TASP1: variants seen among roughly 807,000 people sequenced by gnomAD.
The protein encoded by TASP1 is threonine aspartase 1.
A neutral mutation model predicts 56.6 loss-of-function variants in TASP1; 16 were observed. The observed-to-expected ratio is 0.28, with a 90% CI of 0.19 to 0.43. The LOEUF (loss-of-function observed/expected upper bound fraction) is 0.43, where lower values mean the gene tolerates loss of function less well. Among genes scored for constraint, TASP1 ranks in the 20% least tolerant of loss-of-function variants. The pLI, the probability that TASP1 is intolerant of heterozygous loss-of-function variation, is 1.00. For missense variants in TASP1, 393 were observed against 511.6 expected, an observed-to-expected ratio of 0.77 and a Z score of 2.24; for synonymous variants, 179 against 184.2, an observed-to-expected ratio of 0.97 and a Z score of 0.23.
the TASP1 span, among the ~76,000 whole-genome samples, chr20:13,216,529 T>C: frequency 6.6e-6 from 1 of 152,134 alleles, no homozygotes. Context: ...CCAGAGTTGA[T>C]TAATTGCCAA....
chr20:13,360,647 T>C, the TASP1 span, among the ~76,000 whole-genome samples: 3 of 152,214 alleles, frequency 2.0e-5, no homozygotes, highest in Admixed American at 6.5e-5. Flanking sequence ...AATCACAAAC[T>C]GTGCTCAACT....
the TASP1 span, among the ~76,000 whole-genome samples, chr20:13,287,856 G>A: frequency 2.0e-5 from 3 of 152,296 alleles, no homozygotes; most frequent in East Asian, 1.9e-4. Flanking sequence ...AACAACAACC[G>A]TTTATTATTT....
chr20:13,519,182 G>C (rs372261252), intron 10 of TASP1, among the ~76,000 whole-genome samples: 1 of 152,024 alleles, frequency 6.6e-6, no homozygotes, highest in African/African-American at 2.4e-5. Context: ...ACTAGAGTGC[G>C]GAGGAAAGAA....
chr20:13,473,813 C>T (rs947482041), intron 11 of TASP1, among the ~76,000 whole-genome samples: 2 of 152,208 alleles, frequency 1.3e-5, no homozygotes, highest in Non-Finnish European at 2.9e-5. Flanking sequence ...TGGCTCACAA[C>T]TGTAATCCCA....
At chr20:13,231,768 T>C in the TASP1 span, among the ~76,000 whole-genome samples, 2 of 152,138 alleles carry the variant, frequency 1.3e-5, no homozygotes, top group African/African-American at 4.8e-5. Flanking sequence ...GCGAGGTTCA[T>C]GGAATAGAAG....
At chr20:13,438,858 C>T (rs1310897534) in intron 11 of TASP1, among the ~76,000 whole-genome samples, 1 of 152,202 alleles carries the variant, frequency 6.6e-6, no homozygotes, top group African/African-American at 2.4e-5. Flanking sequence ...TATGAACAGA[C>T]ACTTCTCAAA....
the TASP1 span, among the ~76,000 whole-genome samples, chr20:13,308,523 C>T: frequency 1.3e-5 from 2 of 152,112 alleles, no homozygotes; most frequent in Non-Finnish European, 2.9e-5. Flanking sequence ...ATCAGTTTCA[C>T]TCCTGAGGGC....
chr20:13,429,830 A>G (rs997385051), intron 12 of TASP1, among the ~76,000 whole-genome samples: 7 of 152,112 alleles, frequency 4.6e-5, no homozygotes, highest in East Asian at 1.9e-4. Flanking sequence ...TGTCCTTCTG[A>G]TCTTGGGATT....
chr20:13,574,305 C>G (rs953513070), intron 6 of TASP1, among the ~76,000 whole-genome samples: 14 of 152,094 alleles, frequency 9.2e-5, no homozygotes, highest in African/African-American at 3.1e-4. Context: ...AAGTTTAAAG[C>G]GAGACCTGAA....
chr20:13,221,933 A>G, the TASP1 span: 1 of 1,322,608 alleles, frequency 7.6e-7, no homozygotes, highest in African/African-American at 1.5e-5. Flanking sequence ...GCCGCCGGAG[A>G]GGGCCGTGCG....
intron 12 of TASP1, among the ~76,000 whole-genome samples, chr20:13,429,426 AC>A (rs2042725911): frequency 6.6e-6 from 1 of 152,162 alleles, no homozygotes; most frequent in South Asian, 2.1e-4. Flanking sequence ...GAAGAGAAAA[AC>A]TAGTTGAACT....
chr20:13,173,267 C>G, the TASP1 span, among the ~76,000 whole-genome samples: 1 of 152,104 alleles, frequency 6.6e-6, no homozygotes, highest in Non-Finnish European at 1.5e-5. Flanking sequence ...GAGATGTAAC[C>G]CTCCTATCCC....
At chr20:13,254,221 A>G in the TASP1 span, among the ~76,000 whole-genome samples, 1 of 150,884 alleles carries the variant, frequency 6.6e-6, no homozygotes, top group African/African-American at 2.4e-5. Flanking sequence ...CGACAGAGCA[A>G]AACTCCATCT....
At chr20:13,438,455 T>C (rs1237177150) in intron 11 of TASP1, among the ~76,000 whole-genome samples, 1 of 152,156 alleles carries the variant, frequency 6.6e-6, no homozygotes, top group African/African-American at 2.4e-5. Flanking sequence ...TAGCCATATG[T>C]AGAAAGCTGA....
chr20:13,248,079 C>T, the TASP1 span, among the ~76,000 whole-genome samples: 2 of 152,142 alleles, frequency 1.3e-5, no homozygotes, highest in Non-Finnish European at 2.9e-5. Flanking sequence ...GTGATGGCAG[C>T]GTCCAAAAGT....
At chr20:13,468,877 T>TG (rs397976447) in intron 11 of TASP1, among the ~76,000 whole-genome samples, 14 of 151,198 alleles carry the variant, frequency 9.3e-5, no homozygotes, top group African/African-American at 3.2e-4. Flanking sequence ...TTTTTTTTTT[T>TG]GCATGAGATG....
chr20:13,614,453 A>T (rs2048454506), intron 4 of TASP1, among the ~76,000 whole-genome samples: 1 of 152,180 alleles, frequency 6.6e-6, no homozygotes, highest in African/African-American at 2.4e-5. Context: ...ATATTTGTTC[A>T]TTAGAGCATT....
intron 8 of TASP1, among the ~76,000 whole-genome samples, chr20:13,556,450 A>C (rs1246744195): frequency 6.6e-6 from 1 of 152,178 alleles, no homozygotes; most frequent in Non-Finnish European, 1.5e-5. Flanking sequence ...ATAAGAAAGC[A>C]CTGTTTCCCT....
At chr20:13,454,410 T>C (rs2043750127) in intron 11 of TASP1, among the ~76,000 whole-genome samples, 1 of 152,088 alleles carries the variant, frequency 6.6e-6, no homozygotes, top group Non-Finnish European at 1.5e-5. Context: ...TCCCTTCCCC[T>C]GTCCCAGGGA....
Sources: gnomAD v4.1 joint callset for allele counts (sites outside exome capture counted in the v4.1 genomes callset) on GRCh38, gnomAD v4.1.1 for gene constraint, MANE v1.5 for transcripts, NCBI Gene and HGNC (gene_info 2026-07-23, HGNC 2026-07-21) for gene names.